RABEPK: variants seen among roughly 807,000 people sequenced by gnomAD.
RABEPK encodes 40 kDa Rab9 effector protein.
Under a neutral mutation model 34.1 loss-of-function variants are expected in RABEPK, and 27 were observed. The ratio of observed to expected loss-of-function variants is 0.79; its 90% CI spans 0.58 to 1.09. RABEPK has a LOEUF of 1.09. Ranked by LOEUF, RABEPK falls within the 50% of genes least tolerant of loss-of-function variation. RABEPK has a pLI of 0.00. For missense variants in RABEPK, 449 were observed against 462.6 expected, an observed-to-expected ratio of 0.97 and a Z score of 0.27; for synonymous variants, 172 against 169.2, an observed-to-expected ratio of 1.02 and a Z score of -0.13.
chr9:125,220,436 C>A (rs778678307), intron 4 of RABEPK, 103 bp from the exon 5 acceptor site: 10 of 1,510,926 alleles, frequency 6.6e-6, no homozygotes, highest in Non-Finnish European at 8.8e-6. Context: ...TGCTGGCCCC[C>A]CTGGGGATTG....
chr9:125,207,972 A>G (rs534659375), intron 3 of RABEPK, among the ~76,000 whole-genome samples: 1 of 152,114 alleles, frequency 6.6e-6, no homozygotes, highest in South Asian at 2.1e-4. Context: ...TAAAAATACA[A>G]AAAAATTAGC....
chr9:125,203,412 G>A (rs1830025427), intron 2 of RABEPK, among the ~76,000 whole-genome samples: 1 of 152,094 alleles, frequency 6.6e-6, no homozygotes, highest in Non-Finnish European at 1.5e-5. Flanking sequence ...CTGTTTCTTG[G>A]CTGTTTGTTC....
At chr9:125,201,678 A>G (rs1216575159) in intron 1 of RABEPK, among the ~76,000 whole-genome samples, 4 of 151,666 alleles carry the variant, frequency 2.6e-5, no homozygotes, top group East Asian at 2.0e-4. Flanking sequence ...AAGTGGCGCA[A>G]TTTCGGCTCA....
At chr9:125,215,205 G>T (rs359589) in intron 4 of RABEPK, among the ~76,000 whole-genome samples, 110,119 of 145,936 alleles carry the variant, frequency 0.75, 41,382 homozygotes, top group African/African-American at 0.85. Context: ...AAATAGGTGG[G>T]TTTTTTTTTT....
At chr9:125,223,859 C>G (rs78616604) in intron 5 of RABEPK, among the ~76,000 whole-genome samples, 3,483 of 151,978 alleles carry the variant, frequency 0.023, 137 homozygotes, top group African/African-American at 0.079. Context: ...AACAGTAATT[C>G]AAAGACAAAT....
intron 4 of RABEPK, among the ~76,000 whole-genome samples, chr9:125,215,086 G>A (rs1046480569): frequency 1.2e-4 from 18 of 151,848 alleles, no homozygotes; most frequent in African/African-American, 4.4e-4. Flanking sequence ...CAATGTGACC[G>A]GCCCAGCTTT....
At chr9:125,229,940 C>G (rs1832051607) in intron 6 of RABEPK, among the ~76,000 whole-genome samples, 1 of 152,146 alleles carries the variant, frequency 6.6e-6, no homozygotes. Flanking sequence ...GCACTTAGCA[C>G]AGTGTCTGGC....
intron 3 of RABEPK, among the ~76,000 whole-genome samples, chr9:125,208,497 C>T (rs947999093): frequency 2.0e-5 from 3 of 151,660 alleles, no homozygotes; most frequent in Admixed American, 1.3e-4. Context: ...CTCAGCCTCC[C>T]CAAGTACTTG....
At chr9:125,216,983 G>A (rs926347316) in intron 4 of RABEPK, among the ~76,000 whole-genome samples, 1 of 149,668 alleles carries the variant, frequency 6.7e-6, no homozygotes, top group East Asian at 2.0e-4. Context: ...AAAAAAAAAA[G>A]AAGAAAGTGA....
At chr9:125,216,109 A>G (rs189530086) in intron 4 of RABEPK, among the ~76,000 whole-genome samples, 12 of 152,282 alleles carry the variant, frequency 7.9e-5, no homozygotes, top group African/African-American at 2.9e-4. Flanking sequence ...CCTGGCCAAC[A>G]TGGTGAAACC....
At position 125,204,474 on chromosome 9, in the gene RABEPK, C is replaced by T. The variant is rs117034291; in HGVS notation, c.53+1408C>T. On this transcript the variant is annotated intron_variant, in intron 2 of 7. Transcript: ENST00000373538. ...GTGCATGCCTGTAATCCTGGCCACTCGGGAGGCTGAGGCAGGACAATTCTT... is the reference window on the plus strand; with the variant it reads ...GTGCATGCCTGTAATCCTGGCCACTTGGGAGGCTGAGGCAGGACAATTCTT... Among the ~76,000 whole-genome samples, 583 of 151,982 alleles carry T rather than the reference C, an allele frequency of 3.8e-3. 2 individuals are homozygous for T. Among genetic ancestry groups the T allele is most frequent in the Non-Finnish European group, 6.4e-3 (434 of 67,974 alleles).
At chr9:125,221,284 G>A (rs1466237469) in intron 5 of RABEPK, 1 of 152,102 alleles carries the variant, frequency 6.6e-6, no homozygotes, top group African/African-American at 2.4e-5. Flanking sequence ...ATCACCTGAG[G>A]TCAGGAGTTT....
intron 2 of RABEPK, 99 bp downstream of exon 2, chr9:125,203,165 A>T: frequency 9.7e-7 from 1 of 1,026,416 alleles, no homozygotes; most frequent in Non-Finnish European, 1.5e-6. Context: ...AGGGGTAGAG[A>T]TGAAACTGTC....
chr9:125,210,701 C>T (rs1324769913), intron 3 of RABEPK, among the ~76,000 whole-genome samples: 9 of 133,002 alleles, frequency 6.8e-5, no homozygotes, highest in African/African-American at 1.1e-4. Flanking sequence ...AGCAAGACTC[C>T]GTCTCAAAAA....
chr9:125,232,646 T>G lies in RABEPK; in HGVS notation c.727T>G (p.Cys243Gly). ...LNPTGAAPAG[C>G]AAHSAVAMGK... Reference sequence around the variant, plus strand: ...TCCCACTGGGGCTGCTCCAGCAGGCTGTGCTGCCCACTCAGCTGTGGCCAT... The same window carrying G: ...TCCCACTGGGGCTGCTCCAGCAGGCGGTGCTGCCCACTCAGCTGTGGCCAT... The change falls in exon 7 of 8, where the codon TGT (cysteine) becomes GGT (glycine). Residue 243 changes from cysteine to glycine, a missense_variant. By Grantham distance (159) the Cys-to-Gly change is radical. Transcript: ENST00000373538. 6.2e-7 allele frequency: 1 copy of G among 1,614,126 alleles called. No individual in the cohort carries two copies. The highest frequency in any genetic ancestry group is 8.5e-7 in the Non-Finnish European group (1 of 1,179,958).
At chr9:125,216,882 G>A (rs1830963742) in intron 4 of RABEPK, among the ~76,000 whole-genome samples, 2 of 151,548 alleles carry the variant, frequency 1.3e-5, no homozygotes, top group South Asian at 4.2e-4. Context: ...CAGGAGAATC[G>A]CTTGAACCTG....
intron 5 of RABEPK, among the ~76,000 whole-genome samples, chr9:125,223,360 G>A (rs1389493231): frequency 6.6e-6 from 1 of 151,976 alleles, no homozygotes; most frequent in African/African-American, 2.4e-5. Context: ...GGAGGCTGAG[G>A]CAGGAGAATC....
At position 125,232,679 on chromosome 9, in the gene RABEPK, C is replaced by T. The variant is rs746583686; in HGVS notation, c.760C>T (p.His254Tyr). 6.2e-6 allele frequency: 10 copies of T among 1,614,134 alleles called. No homozygotes were observed. Among genetic ancestry groups the T allele is most frequent in the South Asian group, 1.1e-5 (1 of 91,074 alleles). Residue 254 changes from histidine (H) to tyrosine (Y), a missense_variant, in exon 7 of 8, where the codon CAT becomes TAT. Physicochemically the swap from His to Tyr is moderately conservative, Grantham distance 83 (BLOSUM62 2). Coordinates refer to ENST00000373538, the MANE Select transcript of RABEPK (RefSeq NM_005833.4). The stretch of plus-strand genomic sequence containing the variant: ...CCACTCAGCTGTGGCCATGGGAAAA[C>T]ATGTGTACATCTTTGGTGGAATGAC... ...AAHSAVAMGK[H>Y]VYIFGGMTPA...
intron 2 of RABEPK, among the ~76,000 whole-genome samples, chr9:125,206,796 C>G (rs561152401): frequency 3.6e-4 from 55 of 152,098 alleles, no homozygotes; most frequent in African/African-American, 1.3e-3. Flanking sequence ...GCAGTAAGAA[C>G]TGTTGCTGTC....
Sources: allele counts gnomAD v4.1 joint callset (sites outside exome capture counted in the v4.1 genomes callset), GRCh38; gene constraint gnomAD v4.1.1; transcripts MANE v1.5; gene names NCBI Gene and HGNC (gene_info 2026-07-23, HGNC 2026-07-21).